Variants in DYM observed in about 807,000 individuals in gnomAD.
DYM encodes dymeclin.
Under a neutral mutation model 93.1 loss-of-function variants are expected in DYM, and 78 were observed. The observed-to-expected ratio is 0.84, with a 90% CI of 0.70 to 1.01. DYM has a LOEUF of 1.01. Among genes scored for constraint, DYM ranks in the 50% least tolerant of loss-of-function variants. The probability of loss-of-function intolerance (pLI) is 0.00; values close to 1 mark genes in which losing one functional copy is unlikely to be tolerated. For synonymous variants in DYM, 321 were observed against 319.7 expected (o/e 1.00, Z -0.04); for missense variants, 789 against 845.0 (o/e 0.93, Z 0.82).
At chr18:49,287,312 T>C (rs1384707521) in intron 8 of DYM, among the ~76,000 whole-genome samples, 1 of 150,184 alleles carries the variant, frequency 6.7e-6, no homozygotes, top group African/African-American at 2.4e-5. Context: ...ATCTCGAGAG[T>C]TTCCACATTT....
chr18:49,137,429 A>C (rs915177197), intron 15 of DYM, among the ~76,000 whole-genome samples: 1 of 152,204 alleles, frequency 6.6e-6, no homozygotes, highest in African/African-American at 2.4e-5. Context: ...TCTTTTGTTA[A>C]GTAGAAATAT....
intron 13 of DYM, among the ~76,000 whole-genome samples, chr18:49,245,777 A>G (rs2094150222): frequency 6.6e-6 from 1 of 152,158 alleles, no homozygotes; most frequent in South Asian, 2.1e-4. Context: ...CTCCCCTTTT[A>G]GAATCCCTAA....
intron 15 of DYM, among the ~76,000 whole-genome samples, chr18:49,153,641 C>A (rs1305596752): frequency 6.6e-6 from 1 of 152,034 alleles, no homozygotes; most frequent in Admixed American, 6.6e-5. Context: ...TTATAACACA[C>A]AGAATAAAAC....
chr18:49,142,208 C>A (rs1030493349), intron 15 of DYM, among the ~76,000 whole-genome samples: 1 of 151,956 alleles, frequency 6.6e-6, no homozygotes, highest in Non-Finnish European at 1.5e-5. Context: ...TGTATTTATT[C>A]CATATTTTGC....
rs67482709 is a variant in DYM at position 49,063,619 on chromosome 18, CTTTTTTTTTTTTTT to C, written c.2026-19429_2026-19416del. Among the ~76,000 whole-genome samples, 5 of 71,986 alleles carry C rather than the reference CTTTTTTTTTTTTTT, an allele frequency of 6.9e-5. No individual in the cohort carries two copies. In the East Asian group the frequency reaches 1.9e-3, roughly 27 times the overall value. The allele number at this position is 71,986 out of a possible 152,430, so 47.2% of individuals were successfully genotyped here. ...GGTAGTAATTTCTTTCTTTCTCTCT[CTTTTTTTTTTTTTT>C]TTTTTTTTTTTAGACAGAGTTTAGC... On this transcript the variant is annotated intron_variant, in intron 17 of 17. Transcript: ENST00000675505.
At position 49,038,189 on chromosome 18, in the gene DYM, T is replaced by C. The variant is rs833520; in HGVS notation, c.*5866A>G. Among the ~76,000 whole-genome samples the C allele has an allele frequency of 0.63, 95,449 of 152,066 alleles. 33,483 individuals are homozygous for C. The highest frequency in any genetic ancestry group is 0.79 in the Middle Eastern group (232 of 294). The stretch of plus-strand genomic sequence containing the variant: ...CATTTGTGTTTGAAAAGTATGTTAT[T>C]GAGTTTGGTGTCCTACATACATCCG... On this transcript the variant is annotated 3_prime_UTR_variant, in exon 18 of 18. Coordinates refer to ENST00000675505, the MANE Select transcript of DYM (RefSeq NM_001353214.3).
At chr18:49,130,612 T>TA (rs2083296169) in intron 15 of DYM, among the ~76,000 whole-genome samples, 1 of 152,240 alleles carries the variant, frequency 6.6e-6, no homozygotes, top group Non-Finnish European at 1.5e-5. Flanking sequence ...GGCTTTTCCC[T>TA]AATTCCTTTT....
chr18:49,350,814 G>A (rs949494317), intron 6 of DYM, among the ~76,000 whole-genome samples: 1 of 150,906 alleles, frequency 6.6e-6, no homozygotes, highest in South Asian at 2.1e-4. Flanking sequence ...AGGGTCCAAA[G>A]TGAGAAGATG....
chr18:49,376,751 C>A (rs1453239638), intron 5 of DYM, among the ~76,000 whole-genome samples: 3 of 152,166 alleles, frequency 2.0e-5, no homozygotes, highest in Non-Finnish European at 4.4e-5. Flanking sequence ...TGGCCAGTCA[C>A]AGAAAAGCTG....
At chr18:49,355,219 TTA>T (rs2065439815) in intron 6 of DYM, among the ~76,000 whole-genome samples, 2 of 151,932 alleles carry the variant, frequency 1.3e-5, no homozygotes, top group Non-Finnish European at 1.5e-5. Context: ...ATCAATAAAC[TTA>T]TAGATACATT....
intron 13 of DYM, among the ~76,000 whole-genome samples, chr18:49,239,918 G>A (rs1378153094): frequency 6.6e-6 from 1 of 152,122 alleles, no homozygotes; most frequent in African/African-American, 2.4e-5. Context: ...ACCACACCCA[G>A]GCAAGATAAG....
intron 2 of DYM, chr18:49,393,775 G>T (rs1014168577): frequency 6.6e-6 from 1 of 151,562 alleles, no homozygotes; most frequent in Non-Finnish European, 1.5e-5. Flanking sequence ...CATCTCAAAA[G>T]AAAATAATAA....
chr18:49,397,009 G>C (rs1430103542), intron 2 of DYM, among the ~76,000 whole-genome samples: 2 of 152,168 alleles, frequency 1.3e-5, no homozygotes, highest in Non-Finnish European at 2.9e-5. Context: ...AAGGTGACTA[G>C]AGTTAACAAT....
At chr18:49,348,274 T>C (rs1434626317) in intron 6 of DYM, among the ~76,000 whole-genome samples, 2 of 152,118 alleles carry the variant, frequency 1.3e-5, no homozygotes, top group African/African-American at 2.4e-5. Context: ...AATTTAGAAA[T>C]ATCAATGCAT....
At chr18:49,245,559 G>C (rs1039084266) in intron 13 of DYM, among the ~76,000 whole-genome samples, 1 of 152,166 alleles carries the variant, frequency 6.6e-6, no homozygotes, top group Non-Finnish European at 1.5e-5. Context: ...AGGCTTACTA[G>C]CATTGGGAAA....
intron 16 of DYM, 40 bp from the exon 17 acceptor site, chr18:49,097,555 T>C (rs1265650077): frequency 2.6e-6 from 4 of 1,559,628 alleles, no homozygotes; most frequent in Non-Finnish European, 3.5e-6. Flanking sequence ...AGAAGAGGTA[T>C]GAAATGTATT....
At chr18:49,204,031 C>G (rs1335817361) in intron 14 of DYM, among the ~76,000 whole-genome samples, 1 of 152,032 alleles carries the variant, frequency 6.6e-6, no homozygotes, top group Non-Finnish European at 1.5e-5. Context: ...TACACAGCAC[C>G]TATATCTAAA....
chr18:49,372,490 C>T (rs1465749111), intron 5 of DYM, among the ~76,000 whole-genome samples: 1 of 152,182 alleles, frequency 6.6e-6, no homozygotes, highest in African/African-American at 2.4e-5. Context: ...TGCCTGTAAT[C>T]CCAGCACTTT....
At chr18:49,362,159 C>A (rs1379234277) in intron 6 of DYM, among the ~76,000 whole-genome samples, 1 of 151,938 alleles carries the variant, frequency 6.6e-6, no homozygotes, top group Non-Finnish European at 1.5e-5. Context: ...AGACACTGCA[C>A]CTGGCCAATA....
Sources: allele counts gnomAD v4.1 joint callset (sites outside exome capture counted in the v4.1 genomes callset), GRCh38; gene constraint gnomAD v4.1.1; transcripts MANE v1.5; gene names NCBI Gene and HGNC (gene_info 2026-07-23, HGNC 2026-07-21).